Variants in AGAP1 observed in about 807,000 individuals in gnomAD.
The protein encoded by AGAP1 is ArfGAP with GTPase domain, ankyrin repeat and PH domain 1.
AGAP1 carries 29 observed loss-of-function variants against 105.3 expected under a neutral mutation model. The observed-to-expected ratio is 0.28, with a 90% confidence interval of 0.21 to 0.38. AGAP1 has a LOEUF of 0.38. Ranked by LOEUF, AGAP1 falls within the 10% of genes least tolerant of loss-of-function variation. The probability of loss-of-function intolerance (pLI) is 1.00; values close to 1 mark genes in which losing one functional copy is unlikely to be tolerated. For synonymous variants in AGAP1, 509 were observed against 485.9 expected, an observed-to-expected ratio of 1.05 and a Z score of -0.63; for missense variants, 998 against 1,165.1, an observed-to-expected ratio of 0.86 and a Z score of 2.09.
rs769742955 is a variant in AGAP1 at position 235,741,313 on chromosome 2, C to T, written c.396+265C>T. Among the ~76,000 whole-genome samples, 38 of 152,350 alleles carry T rather than the reference C, an allele frequency of 2.5e-4. No individual in the cohort carries two copies. The highest frequency in any genetic ancestry group is 4.7e-4 in the Non-Finnish European group (32 of 68,032). On this transcript the variant is annotated intron_variant, in intron 4 of 17. Transcript: ENST00000304032. The surrounding 1 kb of genome is among the most constrained non-coding windows in gnomAD (Gnocchi z 4.9). Reference sequence around the variant, plus strand: ...TTTTTAAAAAGGCAGGAAACGCACACTCTGCCCTGGTTGGGGAGCCCAGTT... The same window carrying T: ...TTTTTAAAAAGGCAGGAAACGCACATTCTGCCCTGGTTGGGGAGCCCAGTT...
At chr2:235,592,795 G>T (rs2149216234) in intron 1 of AGAP1, among the ~76,000 whole-genome samples, 1 of 152,312 alleles carries the variant, frequency 6.6e-6, no homozygotes, top group East Asian at 1.9e-4. Flanking sequence ...CCCTTGCAGG[G>T]TGAGAGTGCG....
intron 1 of AGAP1, among the ~76,000 whole-genome samples, chr2:235,508,246 A>G (rs1255006937): frequency 6.6e-6 from 1 of 152,224 alleles, no homozygotes; most frequent in Non-Finnish European, 1.5e-5. Flanking sequence ...TGAACACACA[A>G]CTAACTGCGT....
intron 6 of AGAP1, among the ~76,000 whole-genome samples, chr2:235,773,174 G>C (rs1419719688): frequency 6.6e-6 from 1 of 152,192 alleles, no homozygotes; most frequent in Non-Finnish European, 1.5e-5. Context: ...CCCAGTAACA[G>C]AATTTTCTGG....
chr2:235,965,167 A>G lies in AGAP1; in HGVS notation c.1484-3295A>G, dbSNP rs980094147. Among the ~76,000 whole-genome samples, 7 of 152,236 alleles carry G rather than the reference A, an allele frequency of 4.6e-5. No homozygotes were observed. The highest frequency in any genetic ancestry group is 1.0e-4 in the Non-Finnish European group (7 of 68,038). ...GTGGCAGTTTCAAGGGTGAAGCCCA[A>G]GGTGATAGCAGAGAAAGCTGCCCGG... On this transcript the variant is annotated intron_variant, in intron 12 of 17. Transcript: ENST00000304032. This position sits in a 1 kb window ranked among gnomAD's most constrained non-coding sequence, Gnocchi z 5.8.
At chr2:235,766,397 G>A (rs1476451299) in intron 6 of AGAP1, among the ~76,000 whole-genome samples, 4 of 152,088 alleles carry the variant, frequency 2.6e-5, no homozygotes, top group African/African-American at 9.7e-5. Flanking sequence ...GCCACTAGGG[G>A]GCATTGAAAG....
At chr2:235,627,611 A>G (rs1205221397) in intron 1 of AGAP1, among the ~76,000 whole-genome samples, 4 of 151,920 alleles carry the variant, frequency 2.6e-5, no homozygotes, top group Non-Finnish European at 5.9e-5. Flanking sequence ...CGTGGGGCTT[A>G]TTTTGTGGTG....
Position 235,721,161 on chromosome 2 carries a change from C to G in AGAP1, c.310+3517C>G, listed in dbSNP as rs1951362633. 6.6e-6 allele frequency among the ~76,000 whole-genome samples: 1 copy of G among 152,196 alleles called. No individual in the cohort carries two copies. The highest frequency in any genetic ancestry group is 1.9e-4 in the East Asian group (1 of 5,160). On this transcript the variant is annotated intron_variant, in intron 3 of 17. Transcript: ENST00000304032. This position sits in a 1 kb window ranked among gnomAD's most constrained non-coding sequence, Gnocchi z 4.5. ...TAGCTGGGATTACAGGCACCCCCCA[C>G]CGCGCCCGGATAATTTTTGTATTTT...
At position 235,930,515 on chromosome 2, in the gene AGAP1, C is replaced by T. The variant is rs963399539; in HGVS notation, c.1325-250C>T. Among the ~76,000 whole-genome samples, 22 of 152,134 alleles carry T rather than the reference C, an allele frequency of 1.4e-4. No individual in the cohort carries two copies. The highest frequency in any genetic ancestry group is 5.3e-4 in the African/African-American group (22 of 41,426). ...GGTTGCGTCTTTGTATAGGGTTGTT[C>T]GGTGCGAGCCATCTGTGGCATCGGG... On this transcript the variant is annotated intron_variant, in intron 11 of 17. Coordinates refer to ENST00000304032, the MANE Select transcript of AGAP1 (RefSeq NM_001037131.3). This position sits in a 1 kb window ranked among gnomAD's most constrained non-coding sequence, Gnocchi z 7.9.
At chr2:235,606,812 G>C (rs1180985747) in intron 1 of AGAP1, among the ~76,000 whole-genome samples, 1 of 152,110 alleles carries the variant, frequency 6.6e-6, no homozygotes, top group East Asian at 1.9e-4. Context: ...AGCCTGGCAT[G>C]GTGGCGCACG....
At position 235,610,845 on chromosome 2, in the gene AGAP1, C is replaced by T; in HGVS notation, c.164-98334C>T. On this transcript the variant is annotated intron_variant, in intron 1 of 17. Transcript: ENST00000304032. This position sits in a 1 kb window ranked among gnomAD's most constrained non-coding sequence, Gnocchi z 4.9. ...GCAGGTCCTACTTCCTGCCTTGACA[C>T]CACCCCCTGCCCACAGCCTTCTCAT... Among the ~76,000 whole-genome samples, 1 of 152,096 alleles carries T rather than the reference C, an allele frequency of 6.6e-6. No homozygotes were observed. The highest frequency in any genetic ancestry group is 1.9e-4 in the East Asian group (1 of 5,178).
At chr2:235,925,232 A>AGG (rs2052388970) in intron 11 of AGAP1, among the ~76,000 whole-genome samples, 1 of 152,300 alleles carries the variant, frequency 6.6e-6, no homozygotes, top group African/African-American at 2.4e-5. Flanking sequence ...TACTCCAGGA[A>AGG]GGAGGGCATT....
In AGAP1 at chr2:235,855,457, T is replaced by A. The variant is rs996911721; in HGVS notation, c.1051-27888T>A. Among the ~76,000 whole-genome samples, 3 of 152,230 alleles carry A rather than the reference T, an allele frequency of 2.0e-5. No individual in the cohort carries two copies. The highest frequency in any genetic ancestry group is 7.2e-5 in the African/African-American group (3 of 41,458). ...TGTCCTTATTCATTCAGTTACAGAT[T>A]TATCATTTTTCAAACCAAATTCTAA... On this transcript the variant is annotated intron_variant, in intron 9 of 17. Coordinates refer to ENST00000304032, the MANE Select transcript of AGAP1 (RefSeq NM_001037131.3). This position sits in a 1 kb window ranked among gnomAD's most constrained non-coding sequence, Gnocchi z 5.0.
chr2:235,602,009 C>T (rs968130384), intron 1 of AGAP1, among the ~76,000 whole-genome samples: 2 of 152,204 alleles, frequency 1.3e-5, no homozygotes. Flanking sequence ...GGGCCTCACA[C>T]CTGCAGCAGC....
rs551093371 is a variant in AGAP1, at chr2:235,691,847, C to T, written c.164-17332C>T. ...TACTGGATAGGGATGAGCTTGGGGACAATGGCCAGTGACATCCAGGAGAGG... is the reference window on the plus strand; with the variant it reads ...TACTGGATAGGGATGAGCTTGGGGATAATGGCCAGTGACATCCAGGAGAGG... On this transcript the variant is annotated intron_variant, in intron 1 of 17. Transcript: ENST00000304032. This position sits in a 1 kb window ranked among gnomAD's most constrained non-coding sequence, Gnocchi z 4.4. Among the ~76,000 whole-genome samples the T allele has an allele frequency of 6.6e-6, 1 of 152,306 alleles. No homozygotes were observed. Among genetic ancestry groups the T allele is most frequent in the Admixed American group, 6.5e-5 (1 of 15,304 alleles).
At chr2:236,094,923 C>CAAA (rs59126473) in intron 16 of AGAP1, among the ~76,000 whole-genome samples, 7 of 37,730 alleles carry the variant, frequency 1.9e-4, no homozygotes, top group Non-Finnish European at 2.6e-4. Context: ...CCCATCTCTA[C>CAAA]AAAAAAAAAA....
At chr2:235,682,400 T>C (rs532384136) in intron 1 of AGAP1, among the ~76,000 whole-genome samples, 14 of 152,084 alleles carry the variant, frequency 9.2e-5, no homozygotes, top group African/African-American at 3.4e-4. Context: ...TGGAGTGCAG[T>C]GGTGCACTCT....
Position 235,965,339 on chromosome 2 carries a change from G to A in AGAP1, c.1484-3123G>A, listed in dbSNP as rs533510365. 6.6e-6 allele frequency among the ~76,000 whole-genome samples: 1 copy of A among 152,308 alleles called. No individual in the cohort carries two copies. Among genetic ancestry groups the A allele is most frequent in the South Asian group, 2.1e-4 (1 of 4,828 alleles). On this transcript the variant is annotated intron_variant, in intron 12 of 17. Coordinates refer to ENST00000304032, the MANE Select transcript of AGAP1 (RefSeq NM_001037131.3). The surrounding 1 kb of genome is among the most constrained non-coding windows in gnomAD (Gnocchi z 5.8). ...TAGGGAGGAGAGGCAGGAAAACATG[G>A]CATCTTGGGCCAGCACAGTTAGCAT...
rs148826089 is a variant in AGAP1, at chr2:235,769,635, T to A, written c.673+19147T>A. ...GAAGTTTAGTGACATTCAGAGGAAA[T>A]CCTTCCAACACAATATACAATTAAT... On this transcript the variant is annotated intron_variant, in intron 6 of 17. Transcript: ENST00000304032. This position sits in a 1 kb window ranked among gnomAD's most constrained non-coding sequence, Gnocchi z 4.4. 4.2e-3 allele frequency among the ~76,000 whole-genome samples: 642 copies of A among 152,130 alleles called. 11 individuals are homozygous for A. Among genetic ancestry groups the A allele is most frequent in the Admixed American group, 0.038 (581 of 15,284 alleles).
chr2:235,579,165 C>A (rs1033281200), intron 1 of AGAP1, among the ~76,000 whole-genome samples: 3 of 152,094 alleles, frequency 2.0e-5, no homozygotes, highest in African/African-American at 7.2e-5. Context: ...CGTATAAGGG[C>A]GCACTGTGTC....
Sources: allele counts gnomAD v4.1 joint callset (sites outside exome capture counted in the v4.1 genomes callset), GRCh38; gene constraint gnomAD v4.1.1; non-coding constraint Gnocchi (gnomAD v3.1); transcripts MANE v1.5; gene names NCBI Gene and HGNC (gene_info 2026-07-23, HGNC 2026-07-21).